The following BLM variants were observed in gnomAD, a reference collection of about 807,000 sequenced individuals.
BLM encodes the protein BLM RecQ like helicase.
Under a neutral mutation model 135.3 loss-of-function variants are expected in BLM, and 95 were observed. The observed-to-expected ratio is 0.70, with a 90% CI of 0.59 to 0.83. The LOEUF (loss-of-function observed/expected upper bound fraction) is 0.83. Ranked by LOEUF, BLM falls within the 40% of genes least tolerant of loss-of-function variation. The pLI is 0.00. For synonymous variants in BLM, 520 were observed against 589.2 expected, an observed-to-expected ratio of 0.88 and a Z score of 1.70; for missense variants, 1,518 against 1,663.9, an observed-to-expected ratio of 0.91 and a Z score of 1.53.
In BLM at chr15:90,786,009, T is replaced by C. The variant is rs866794337; in HGVS notation, c.2823+928T>C. Among the ~76,000 whole-genome samples the C allele has an allele frequency of 7.1e-3, 1,025 of 145,238 alleles. 17 individuals are homozygous for C. Among genetic ancestry groups the C allele is most frequent in the African/African-American group, 0.024 (921 of 37,592 alleles). On this transcript the variant is annotated intron_variant, in intron 14 of 21. Coordinates refer to ENST00000355112, the MANE Select transcript of BLM (RefSeq NM_000057.4). ...TGTTTCGTTTCTTTCTTTTTTTTTT[T>C]TTTTTTTTTTTTGAGACAGGGTCTT...
chr15:90,794,359 TA>T lies in BLM; in HGVS notation c.3210+9del, dbSNP rs1233313033. On this transcript the variant is annotated splice_donor_region_variant and intron_variant, in intron 16 of 21. Transcript: ENST00000355112. ...TGTGATAATTGCTGTAAAACAAAGG[TA>T]AAAAAAGAAGTTTTAAAATTCTTTA... 6.4e-7 allele frequency: 1 copy of T among 1,571,262 alleles called. No individual in the cohort carries two copies. The highest frequency in any genetic ancestry group is 1.2e-5 in the South Asian group (1 of 81,910).
At chr15:90,791,580 G>A (rs1216944562) in intron 15 of BLM, among the ~76,000 whole-genome samples, 1 of 151,570 alleles carries the variant, frequency 6.6e-6, no homozygotes, top group Non-Finnish European at 1.5e-5. Flanking sequence ...TATCAACAAT[G>A]CAGTATTGAA....
intron 1 of BLM, among the ~76,000 whole-genome samples, chr15:90,723,094 G>T (rs182417793): frequency 1.0e-3 from 156 of 152,062 alleles, no homozygotes; most frequent in African/African-American, 3.7e-3. Flanking sequence ...TGCCTGCCTC[G>T]GCCTCCCAAA....
chr15:90,742,288 C>CACTG (rs112320362), intron 1 of BLM, among the ~76,000 whole-genome samples: 8,348 of 152,194 alleles, frequency 0.055, 631 homozygotes, highest in African/African-American at 0.17. Flanking sequence ...TTTGAACAGT[C>CACTG]ACTGAGTGAG....
At chr15:90,742,606 C>T (rs1274521066) in intron 1 of BLM, among the ~76,000 whole-genome samples, 2 of 149,924 alleles carry the variant, frequency 1.3e-5, no homozygotes, top group African/African-American at 4.9e-5. Flanking sequence ...CTCTCTCTCT[C>T]TTTTTTTTTT....
chr15:90,749,313 TG>T (rs1441943200), intron 2 of BLM, 53 bp from the exon 3 acceptor site: 8 of 1,357,140 alleles, frequency 5.9e-6, no homozygotes, highest in Non-Finnish European at 7.2e-6. Flanking sequence ...TTTGTAGAGT[TG>T]GGGGGTTTCT....
At position 90,754,895 on chromosome 15, in the gene BLM, G is replaced by A. The variant is rs184657475; in HGVS notation, c.1044G>A (p.Met348Ile). The change falls in exon 5 of 22, where the codon ATG (methionine) becomes ATA (isoleucine). Residue 348 changes from methionine (M) to isoleucine (I), a missense_variant. Coordinates refer to ENST00000355112, the MANE Select transcript of BLM (RefSeq NM_000057.4). ...SKDLLSKPEKMSMQELNPETS... is the reference protein window; with the variant it reads ...SKDLLSKPEKISMQELNPETS... Reference sequence around the variant, plus strand: ...ATCTTTTGTCAAAACCTGAGAAAATGAGTATGCAGGAGCTGAATCCAGAAA... The same window carrying A: ...ATCTTTTGTCAAAACCTGAGAAAATAAGTATGCAGGAGCTGAATCCAGAAA... 133 of 1,613,918 alleles carry A rather than the reference G, an allele frequency of 8.2e-5. No individual in the cohort carries two copies. The East Asian group carries it at 2.7e-3, about 33-fold the overall frequency.
intron 16 of BLM, among the ~76,000 whole-genome samples, chr15:90,797,401 C>A (rs939863028): frequency 2.6e-5 from 3 of 113,886 alleles, no homozygotes; most frequent in African/African-American, 4.0e-5. Flanking sequence ...GGGCGACGAG[C>A]GAAACTCCAT....
intron 14 of BLM, among the ~76,000 whole-genome samples, chr15:90,787,255 A>G (rs1401895686): frequency 6.6e-6 from 1 of 151,340 alleles, no homozygotes; most frequent in Non-Finnish European, 1.5e-5. Context: ...GGGTTTCACC[A>G]CGTTAGCCAG....
chr15:90,775,160 A>G (rs1159573934), intron 12 of BLM, among the ~76,000 whole-genome samples: 1 of 152,210 alleles, frequency 6.6e-6, no homozygotes, highest in Non-Finnish European at 1.5e-5. Flanking sequence ...TGGAAGGAAG[A>G]AACAGAGTCA....
intron 12 of BLM, among the ~76,000 whole-genome samples, chr15:90,776,530 T>C (rs1360435851): frequency 1.3e-5 from 2 of 152,162 alleles, no homozygotes; most frequent in Admixed American, 1.3e-4. Flanking sequence ...TTTGTTGTTG[T>C]TTTTTGAGAC....
intron 19 of BLM, among the ~76,000 whole-genome samples, chr15:90,807,080 C>T (rs1238081871): frequency 6.6e-6 from 1 of 152,156 alleles, no homozygotes; most frequent in Non-Finnish European, 1.5e-5. Context: ...CTGAGTCGTC[C>T]ATGTCTTTGT....
intron 8 of BLM, among the ~76,000 whole-genome samples, chr15:90,763,505 A>G (rs377196901): frequency 1.4e-4 from 22 of 152,304 alleles, no homozygotes; most frequent in East Asian, 1.4e-3. Flanking sequence ...ATTTGCAACA[A>G]TCTGGTGTTG....
At chr15:90,760,563 T>C (rs1422022472) in intron 6 of BLM, 31 bp from the exon 7 acceptor site, 1 of 1,582,894 alleles carries the variant, frequency 6.3e-7, no homozygotes, top group Non-Finnish European at 8.6e-7. Context: ...ACTACTTATA[T>C]TTAATACGTT....
At chr15:90,734,518 C>A (rs531157792) in intron 1 of BLM, among the ~76,000 whole-genome samples, 2 of 152,148 alleles carry the variant, frequency 1.3e-5, no homozygotes, top group African/African-American at 4.8e-5. Flanking sequence ...AAAGTCCTGA[C>A]CTCAGGTGAT....
intron 1 of BLM, among the ~76,000 whole-genome samples, chr15:90,729,288 C>A (rs1273394760): frequency 1.3e-5 from 2 of 151,904 alleles, no homozygotes; most frequent in Admixed American, 6.6e-5. Flanking sequence ...CCAGCCTGGG[C>A]AACAAGAGAG....
chr15:90,729,391 G>A (rs1027395558), intron 1 of BLM, among the ~76,000 whole-genome samples: 1 of 152,180 alleles, frequency 6.6e-6, no homozygotes, highest in East Asian at 1.9e-4. Context: ...AAGTCTGAAT[G>A]GGTTTCATTG....
At chr15:90,722,357 C>T (rs192483854) in intron 1 of BLM, among the ~76,000 whole-genome samples, 76 of 152,264 alleles carry the variant, frequency 5.0e-4, no homozygotes, top group African/African-American at 1.7e-3. Flanking sequence ...GATCCACCCA[C>T]CTCGGCCTCC....
intron 2 of BLM, 115 bp downstream of exon 2, chr15:90,747,605 A>G: frequency 1.3e-6 from 1 of 750,960 alleles, no homozygotes; most frequent in Non-Finnish European, 2.3e-6. Flanking sequence ...AAGCTGAGAG[A>G]TTCATTGATT....
Sources: gnomAD v4.1 joint callset for allele counts (sites outside exome capture counted in the v4.1 genomes callset) on GRCh38, gnomAD v4.1.1 for gene constraint, MANE v1.5 for transcripts, NCBI Gene and HGNC (gene_info 2026-07-23, HGNC 2026-07-21) for gene names.